The following NIPBL variants were observed in gnomAD, a reference collection of about 807,000 sequenced individuals.
NIPBL encodes nipped-B-like protein.
A neutral mutation model predicts 321.8 loss-of-function variants in NIPBL; 19 were observed. The observed-to-expected ratio is 0.06, with a 90% CI of 0.04 to 0.09. The LOEUF (loss-of-function observed/expected upper bound fraction) is 0.09, where lower values mean the gene tolerates loss of function less well. NIPBL is among the 10% of genes least tolerant of loss of function. NIPBL has a pLI of 1.00. For missense variants in NIPBL, 2,210 were observed against 3,327.0 expected (o/e 0.66, Z 8.26); for synonymous variants, 1,106 against 1,114.1 (o/e 0.99, Z 0.14).
At chr5:37,040,578 A>G (rs1213493384) in intron 34 of NIPBL, among the ~76,000 whole-genome samples, 2 of 152,210 alleles carry the variant, frequency 1.3e-5, no homozygotes, top group African/African-American at 2.4e-5. Flanking sequence ...TGGATGTCCT[A>G]TGATTTATTT....
At chr5:36,964,412 C>A (rs1384185438) in intron 6 of NIPBL, among the ~76,000 whole-genome samples, 1 of 152,024 alleles carries the variant, frequency 6.6e-6, no homozygotes, top group Non-Finnish European at 1.5e-5. Context: ...AGACCAATCC[C>A]AGAATAGAGA....
intron 6 of NIPBL, among the ~76,000 whole-genome samples, chr5:36,963,845 C>G (rs1401680835): frequency 6.6e-6 from 1 of 151,990 alleles, no homozygotes; most frequent in African/African-American, 2.4e-5. Context: ...GCCAAACATA[C>G]ATATCTATGT....
chr5:36,952,043 TGTGTGTGTGTGCGCGCGCG>T (rs1188657519), intron 1 of NIPBL, among the ~76,000 whole-genome samples: 1 of 115,138 alleles, frequency 8.7e-6, no homozygotes, highest in African/African-American at 2.8e-5. Flanking sequence ...TGTGTGTGTG[TGTGTGTGTGTGCGCGCGCG>T]CGCGCGCGCG....
At chr5:36,968,117 AAC>A (rs1742439860) in intron 6 of NIPBL, among the ~76,000 whole-genome samples, 1 of 151,190 alleles carries the variant, frequency 6.6e-6, no homozygotes, top group African/African-American at 2.4e-5. Flanking sequence ...AAAAACAAAA[AAC>A]AAAAAACGAA....
chr5:36,941,318 T>C (rs1475142663), intron 1 of NIPBL, among the ~76,000 whole-genome samples: 2 of 152,138 alleles, frequency 1.3e-5, no homozygotes, highest in Non-Finnish European at 1.5e-5. Context: ...GATCTTTCTA[T>C]ATCCCTCTTT....
chr5:36,967,154 A>G (rs1004124584), intron 6 of NIPBL, among the ~76,000 whole-genome samples: 3 of 152,140 alleles, frequency 2.0e-5, no homozygotes, highest in Admixed American at 2.0e-4. Flanking sequence ...TTTACTGGAA[A>G]AGAATAGCCA....
chr5:36,885,754 G>A (rs1745850243), intron 1 of NIPBL: 1 of 607,252 alleles, frequency 1.6e-6, no homozygotes, highest in South Asian at 1.6e-5. Flanking sequence ...ACATCCGTGG[G>A]CTCTGCAAGG....
intron 10 of NIPBL, among the ~76,000 whole-genome samples, chr5:36,994,415 T>C (rs1267047661): frequency 6.6e-6 from 1 of 152,190 alleles, no homozygotes; most frequent in Non-Finnish European, 1.5e-5. Flanking sequence ...TTAAGATTAA[T>C]ATTTTATATC....
rs534615271 is a variant in NIPBL at position 36,916,960 on chromosome 5, T to TACATAAAC, written c.-79-36656_-79-36655insATAAACAC. ...ATTGTGAATAGTGCCGCAATAAACA[T>TACATAAAC]ACGTGTGCATGTGTCTTTATAGCAG... On this transcript the variant is annotated intron_variant, in intron 1 of 46. Transcript: ENST00000282516. Among the ~76,000 whole-genome samples, 338 of 152,312 alleles carry TACATAAAC rather than the reference T, an allele frequency of 2.2e-3. 1 individual carries two copies. Among genetic ancestry groups the TACATAAAC allele is most frequent in the Non-Finnish European group, 3.1e-3 (214 of 68,026 alleles).
At chr5:36,908,554 G>A (rs1284095840) in intron 1 of NIPBL, among the ~76,000 whole-genome samples, 2 of 152,004 alleles carry the variant, frequency 1.3e-5, no homozygotes, top group African/African-American at 2.4e-5. Context: ...AGGGAACGTA[G>A]AATTGGTACC....
At position 37,001,086 on chromosome 5, in the gene NIPBL, CA is replaced by C. The variant is rs1297491601; in HGVS notation, c.3664+10del. ...TGGATTTTACTGCGTTTGGTAAAAT[CA>C]ACTTAAAATACATTTACACATACTC... On this transcript the variant is annotated intron_variant, in intron 14 of 46. Coordinates refer to ENST00000282516, the MANE Select transcript of NIPBL (RefSeq NM_133433.4). The C allele has an allele frequency of 6.4e-7, 1 of 1,560,384 alleles. No homozygotes were observed. The highest frequency in any genetic ancestry group is 1.7e-5 in the Admixed American group (1 of 59,788).
chr5:36,969,286 A>G (rs1429095593), intron 6 of NIPBL, among the ~76,000 whole-genome samples: 1 of 152,222 alleles, frequency 6.6e-6, no homozygotes, highest in Non-Finnish European at 1.5e-5. Context: ...GTTTTTGTGG[A>G]ATTTAACCTG....
chr5:36,975,365 A>T (rs1236050616), intron 8 of NIPBL, among the ~76,000 whole-genome samples: 2 of 152,162 alleles, frequency 1.3e-5, no homozygotes, highest in African/African-American at 2.4e-5. Flanking sequence ...ACTTATTCTT[A>T]CTTTAATCAG....
chr5:37,041,345 C>A (rs1561200331), intron 34 of NIPBL, among the ~76,000 whole-genome samples: 1 of 139,756 alleles, frequency 7.2e-6, no homozygotes, highest in Non-Finnish European at 1.5e-5. Context: ...CTCACTGCAA[C>A]CTCTGCCTCC....
chr5:37,046,286 C>T (rs1752972748), intron 38 of NIPBL, 87 bp downstream of exon 38: 1 of 804,162 alleles, frequency 1.2e-6, no homozygotes, highest in Admixed American at 1.8e-5. Context: ...TGTTGATTTA[C>T]TTTAATATGT....
intron 21 of NIPBL, among the ~76,000 whole-genome samples, chr5:37,012,557 TAAAC>T (rs1748281277): frequency 6.7e-6 from 1 of 150,356 alleles, no homozygotes; most frequent in Non-Finnish European, 1.5e-5. Flanking sequence ...GGTCAGCAGA[TAAAC>T]AAGTGAACAA....
chr5:36,922,613 A>G (rs1460904806), intron 1 of NIPBL, among the ~76,000 whole-genome samples: 2 of 152,148 alleles, frequency 1.3e-5, no homozygotes, highest in Non-Finnish European at 2.9e-5. Context: ...ATTACTGCAG[A>G]AAGCACAGGT....
At chr5:36,945,014 C>A (rs990611748) in intron 1 of NIPBL, among the ~76,000 whole-genome samples, 2 of 152,062 alleles carry the variant, frequency 1.3e-5, no homozygotes, top group Non-Finnish European at 1.5e-5. Context: ...AGTCTTTTAA[C>A]AGTTTCAACC....
In NIPBL at chr5:37,052,875, C is replaced by T. The variant is rs1404373679; in HGVS notation, c.7263+309C>T. On this transcript the variant is annotated intron_variant, in intron 42 of 46. Coordinates refer to ENST00000282516, the MANE Select transcript of NIPBL (RefSeq NM_133433.4). Reference sequence around the variant, plus strand: ...TCACTAAACTAATCGCTTTGGGAACCGATTACCTCAAATATTGTTAGAGAA... The same window carrying T: ...TCACTAAACTAATCGCTTTGGGAACTGATTACCTCAAATATTGTTAGAGAA... Among the ~76,000 whole-genome samples, 5 of 152,086 alleles carry T rather than the reference C, an allele frequency of 3.3e-5. No homozygotes were observed. The East Asian group carries it at 5.8e-4, about 18-fold the overall frequency.
Sources: gnomAD v4.1 joint callset for allele counts (sites outside exome capture counted in the v4.1 genomes callset) on GRCh38, gnomAD v4.1.1 for gene constraint, MANE v1.5 for transcripts, NCBI Gene and HGNC (gene_info 2026-07-23, HGNC 2026-07-21) for gene names.